The following GPAA1 variants were observed in gnomAD, a reference collection of about 807,000 sequenced individuals.
GPAA1 encodes the protein glycosylphosphatidylinositol anchor attachment 1.
Under a neutral mutation model 64.0 loss-of-function variants are expected in GPAA1, and 54 were observed. That is an observed-to-expected ratio of 0.84 (90% CI 0.68 to 1.06). The LOEUF (loss-of-function observed/expected upper bound fraction) is 1.06. Ranked by LOEUF, GPAA1 falls within the 50% of genes least tolerant of loss-of-function variation. The pLI, the probability that GPAA1 is intolerant of heterozygous loss-of-function variation, is 0.00. For missense variants in GPAA1, 780 were observed against 822.3 expected (o/e 0.95, Z 0.63); for synonymous variants, 393 against 377.3 (o/e 1.04, Z -0.48).
rs868951923 is a variant in GPAA1 at position 144,086,085 on chromosome 8, C to T, written c.1826C>T (p.Pro609Leu). The T allele has an allele frequency of 1.2e-6, 2 of 1,613,680 alleles. No individual in the cohort carries two copies. The highest frequency in any genetic ancestry group is 1.1e-5 in the South Asian group (1 of 91,078). Residue 609 changes from proline (P) to leucine (L), a missense_variant, in exon 12 of 12, where the codon CCC becomes CTC. Transcript: ENST00000355091. ...CCACTGCTGTCCCTGGGCCTCTACCCCTGCTGGCTGCTTTTCTGGAATGTG... is the reference window on the plus strand; with the variant it reads ...CCACTGCTGTCCCTGGGCCTCTACCTCTGCTGGCTGCTTTTCTGGAATGTG... ...LFPLLSLGLY[P>L]CWLLFWNVLF...
intron 3 of GPAA1, 93 bp from the exon 4 acceptor site, chr8:144,083,621 G>A (rs971124642): frequency 7.0e-7 from 1 of 1,433,826 alleles, no homozygotes; most frequent in Non-Finnish European, 9.7e-7. Context: ...GAAATCCCTG[G>A]TGGGCACTGG....
Position 144,085,486 on chromosome 8 carries a change from G to T in GPAA1, c.1451+7G>T. On this transcript the variant is annotated splice_region_variant and intron_variant, in intron 10 of 11. Coordinates refer to ENST00000355091, the MANE Select transcript of GPAA1 (RefSeq NM_003801.4). ...TGCCCCACAATACCCACCGGTAAGA[G>T]GCTGGGCTGGTTGTTGGGGGCAGGG... The T allele has an allele frequency of 1.9e-6, 3 of 1,603,968 alleles. 1 individual carries two copies. The highest frequency in any genetic ancestry group is 2.2e-5 in the South Asian group (2 of 91,066).
intron 11 of GPAA1, 57 bp downstream of exon 11, chr8:144,085,800 C>T (rs938830614): frequency 1.4e-5 from 22 of 1,601,098 alleles, no homozygotes; most frequent in Admixed American, 1.2e-4. Flanking sequence ...ACAGACCGCA[C>T]CCTCATTCAG....
chr8:144,083,014 G>C, intron 1 of GPAA1, 110 bp from the exon 2 acceptor site: 1 of 1,058,558 alleles, frequency 9.4e-7, no homozygotes, highest in Non-Finnish European at 1.4e-6. Flanking sequence ...AGGACTCCGG[G>C]TTTAGGTCTC....
rs1835991824 is a variant in GPAA1, at chr8:144,086,082, A to C, written c.1823A>C (p.Tyr608Ser). 6.2e-7 allele frequency: 1 copy of C among 1,613,064 alleles called. No individual in the cohort carries two copies. Among genetic ancestry groups the C allele is most frequent in the Admixed American group, 1.7e-5 (1 of 59,978 alleles). ...LLFPLLSLGL[Y>S]PCWLLFWNVL... is the part of the protein sequence containing the mutation. ...TTCCCACTGCTGTCCCTGGGCCTCT[A>C]CCCCTGCTGGCTGCTTTTCTGGAAT... Residue 608 changes from tyrosine (Y) to serine (S), a missense_variant, in exon 12 of 12, where the codon TAC becomes TCC. Coordinates refer to ENST00000355091, the MANE Select transcript of GPAA1 (RefSeq NM_003801.4).
chr8:144,083,928 C>A lies in GPAA1; in HGVS notation c.515-11C>A, dbSNP rs1554763934. On this transcript the variant is annotated splice_polypyrimidine_tract_variant and intron_variant, in intron 4 of 11. Coordinates refer to ENST00000355091, the MANE Select transcript of GPAA1 (RefSeq NM_003801.4). ...GCCCCAGACCCTGCTGATCCTGCTTCTGGCCTCCAGGGCAGATTTATTGGG... is the reference window on the plus strand; with the variant it reads ...GCCCCAGACCCTGCTGATCCTGCTTATGGCCTCCAGGGCAGATTTATTGGG... 1 of 1,613,352 alleles carries A rather than the reference C, an allele frequency of 6.2e-7. No individual in the cohort carries two copies. The highest frequency in any genetic ancestry group is 1.3e-5 in the African/African-American group (1 of 74,826).
Position 144,084,775 on chromosome 8 carries a change from A to G in GPAA1, c.1064A>G (p.Gln355Arg), listed in dbSNP as rs782619577. The G allele has an allele frequency of 1.2e-6, 2 of 1,613,720 alleles. No homozygotes were observed. Among genetic ancestry groups the G allele is most frequent in the Non-Finnish European group, 1.7e-6 (2 of 1,179,968 alleles). ...KLNHLLERLH[Q>R]SFFLYLLPGL... ...AACCACCTCCTGGAGCGCCTGCACC[A>G]GTCCTTCTTCCTCTACTTGCTCCCC... The change falls in exon 8 of 12, where the codon CAG (glutamine) becomes CGG (arginine). Residue 355 changes from glutamine to arginine, a missense_variant. Gln to Arg is a conservative substitution (Grantham distance 43). Coordinates refer to ENST00000355091, the MANE Select transcript of GPAA1 (RefSeq NM_003801.4).
In GPAA1 at chr8:144,084,779, C is replaced by A; in HGVS notation, c.1068C>A (p.Ser356=). The A allele has an allele frequency of 1.9e-6, 3 of 1,613,792 alleles. No individual in the cohort carries two copies. Among genetic ancestry groups the A allele is most frequent in the South Asian group, 2.2e-5 (2 of 91,086 alleles). The change falls in exon 8 of 12, where the codon TCC becomes TCA. Residue 356 remains serine (S), a synonymous_variant. Coordinates refer to ENST00000355091, the MANE Select transcript of GPAA1 (RefSeq NM_003801.4). ...ACCTCCTGGAGCGCCTGCACCAGTCCTTCTTCCTCTACTTGCTCCCCGGCC... is the reference window on the plus strand; with the variant it reads ...ACCTCCTGGAGCGCCTGCACCAGTCATTCTTCCTCTACTTGCTCCCCGGCC... ...LNHLLERLHQ[S]FFLYLLPGLS...
At chr8:144,084,654 T>C in intron 7 of GPAA1, 45 bp downstream of exon 7, 1 of 1,606,948 alleles carries the variant, frequency 6.2e-7, no homozygotes. Flanking sequence ...GGATGGGGTC[T>C]AGCTGGAGCG....
chr8:144,085,992 G>A lies in GPAA1; in HGVS notation c.1733G>A (p.Trp578Ter). The change falls in exon 12 of 12, where the codon TGG (tryptophan) becomes TAG (stop). Residue 578 changes from tryptophan to a stop codon, truncating the protein, a stop_gained. Coordinates refer to ENST00000355091, the MANE Select transcript of GPAA1 (RefSeq NM_003801.4). LOFTEE classifies it high-confidence loss of function. ...GCGCCACTGTCACTGGCCGAGGGCT[G>A]GCAGCTCTTCCTGGCAGCGCTAGCC... ...QEAPLSLAEGWQLFLAALAQG... is the reference protein window; with the variant it reads ...QEAPLSLAEG 1 of 1,609,270 alleles carries A rather than the reference G, an allele frequency of 6.2e-7. No individual in the cohort carries two copies. Among genetic ancestry groups the A allele is most frequent in the Non-Finnish European group, 8.5e-7 (1 of 1,179,934 alleles).
rs552726431 is a variant in GPAA1, at chr8:144,086,167, C to G, written c.*42C>G. 3.2e-6 allele frequency: 5 copies of G among 1,586,470 alleles called. No homozygotes were observed. The highest frequency in any genetic ancestry group is 4.3e-6 in the Non-Finnish European group (5 of 1,162,582). ...CTGGGACAGAGACTCCCCAAGGACC[C>G]CATTCTGCCTCCTTCTGGGGAAATA... On this transcript the variant is annotated 3_prime_UTR_variant, in exon 12 of 12. Transcript: ENST00000355091.
In GPAA1 at chr8:144,084,888, C is replaced by T; in HGVS notation, c.1164+13C>T. The stretch of plus-strand genomic sequence containing the variant: ...CCTTGGTCTCAAGATATCCTCTGCC[C>T]CTTGCCATCTACCTGTGACCAGCCT... On this transcript the variant is annotated intron_variant, in intron 8 of 11. Transcript: ENST00000355091. 6.2e-7 allele frequency: 1 copy of T among 1,613,054 alleles called. No individual in the cohort carries two copies. The highest frequency in any genetic ancestry group is 8.5e-7 in the Non-Finnish European group (1 of 1,179,680).
rs773061439 is a variant in GPAA1, at chr8:144,084,719, CAG to C, written c.1011-2_1011-1del. The C allele has an allele frequency of 1.7e-5, 27 of 1,613,472 alleles. No individual in the cohort carries two copies. Among genetic ancestry groups the C allele is most frequent in the Non-Finnish European group, 2.0e-5 (24 of 1,179,826 alleles). On this transcript the variant is annotated splice_acceptor_variant, in intron 7 of 11. Coordinates refer to ENST00000355091, the MANE Select transcript of GPAA1 (RefSeq NM_003801.4). LOFTEE classifies it high-confidence loss of function. Reference sequence around the variant, plus strand: ...AGCCGTGAACCTGCCCCACACCTGACAGGGCTTTGGAGGGCATGTTCCGCAAG... The same window carrying C: ...AGCCGTGAACCTGCCCCACACCTGACGGCTTTGGAGGGCATGTTCCGCAAG...
intron 10 of GPAA1, 35 bp downstream of exon 10, chr8:144,085,514 A>G: frequency 6.2e-7 from 1 of 1,604,270 alleles, no homozygotes; most frequent in Non-Finnish European, 8.5e-7. Context: ...GGGCAGGGGT[A>G]GAGGTCCCCT....
chr8:144,083,360 C>T (rs1554763816), intron 2 of GPAA1, 29 bp from the exon 3 acceptor site: 1 of 1,610,408 alleles, frequency 6.2e-7, no homozygotes, highest in East Asian at 2.2e-5. Flanking sequence ...CCGGGGAGCT[C>T]TGCTCAGAGG....
In GPAA1 at chr8:144,083,504, C is replaced by T. The variant is rs1835942615; in HGVS notation, c.366+4C>T. 6.2e-7 allele frequency: 1 copy of T among 1,602,494 alleles called. No homozygotes were observed. The highest frequency in any genetic ancestry group is 8.6e-7 in the Non-Finnish European group (1 of 1,169,566). The stretch of plus-strand genomic sequence containing the variant: ...AGATGAGACCCACGAGCGCTATGTA[C>T]TGGGGGAGTGGGGTGTGCCTGGGCC... On this transcript the variant is annotated splice_donor_region_variant and intron_variant, in intron 3 of 11. Coordinates refer to ENST00000355091, the MANE Select transcript of GPAA1 (RefSeq NM_003801.4).
chr8:144,085,110 GCCCCAGT>G lies in GPAA1; in HGVS notation c.1233_1239del (p.Pro412TyrfsTer19). The G allele has an allele frequency of 1.2e-6, 2 of 1,603,336 alleles. No individual in the cohort carries two copies. On this transcript the variant is annotated frameshift_variant, in exon 9 of 12. Coordinates refer to ENST00000355091, the MANE Select transcript of GPAA1 (RefSeq NM_003801.4). LOFTEE classifies it high-confidence loss of function. Reference sequence around the variant, plus strand: ...CTTGAGGAGCCCGGGGGTGCCCCTGGCCCCAGTGTACCCCTTCCCCCATCACAGGTGA... The same window carrying G: ...CTTGAGGAGCCCGGGGGTGCCCCTGGGTACCCCTTCCCCCATCACAGGTGA...
rs1393961284 is a variant in GPAA1 at position 144,083,624 on chromosome 8, G to A, written c.367-90G>A. The A allele has an allele frequency of 9.8e-6, 14 of 1,428,550 alleles. No homozygotes were observed. In the African/African-American group the frequency reaches 1.7e-4, roughly 17 times the overall value. The allele number at this position is 1,428,550 out of a possible 1,614,324, so 88.5% of individuals were successfully genotyped here. On this transcript the variant is annotated intron_variant, in intron 3 of 11. Transcript: ENST00000355091. ...CTCAGTGGGAGGGAAATCCCTGGTGGGCACTGGAGGGCTAGGAAAGTTGTG... is the reference window on the plus strand; with the variant it reads ...CTCAGTGGGAGGGAAATCCCTGGTGAGCACTGGAGGGCTAGGAAAGTTGTG...
Position 144,085,958 on chromosome 8 carries a change from C to T in GPAA1, c.1699C>T (p.Leu567=), listed in dbSNP as rs1835989685. The stretch of plus-strand genomic sequence containing the variant: ...TGGCAGCCTGTTCCTGTGGCGGGAG[C>T]TGCAGGAGGCGCCACTGTCACTGGC... ...LLGSLFLWRE[L]QEAPLSLAEG... is the part of the protein sequence containing the mutation. The change falls in exon 12 of 12, where the codon CTG becomes TTG. Residue 567 remains leucine (L), a synonymous_variant. Transcript: ENST00000355091. 1.2e-6 allele frequency: 2 copies of T among 1,606,366 alleles called. No homozygotes were observed. Among genetic ancestry groups the T allele is most frequent in the African/African-American group, 1.3e-5 (1 of 74,924 alleles).
Sources: allele counts gnomAD v4.1 joint callset, GRCh38; gene constraint gnomAD v4.1.1; transcripts MANE v1.5; gene names NCBI Gene and HGNC (gene_info 2026-07-23, HGNC 2026-07-21).